PARP15: variants seen among roughly 807,000 people sequenced by gnomAD.
PARP15 encodes the protein poly(ADP-ribose) polymerase family member 15.
PARP15 carries 50 observed loss-of-function variants against 62.1 expected under a neutral mutation model. The ratio of observed to expected loss-of-function variants is 0.81; its 90% CI spans 0.64 to 1.02. The LOEUF is 1.02. Ranked by LOEUF, PARP15 falls within the 50% of genes least tolerant of loss-of-function variation. The pLI is 0.00. For synonymous variants in PARP15, 309 were observed against 293.1 expected (o/e 1.05, Z -0.55); for missense variants, 820 against 826.5 (o/e 0.99, Z 0.10).
chr3:122,631,399 T>G (rs973540868), intron 9 of PARP15, among the ~76,000 whole-genome samples: 1 of 152,182 alleles, frequency 6.6e-6, no homozygotes, highest in Non-Finnish European at 1.5e-5. Flanking sequence ...AATGAGCAAA[T>G]TGTGGCTTTG....
intron 1 of PARP15, among the ~76,000 whole-genome samples, chr3:122,595,998 C>T (rs1363872771): frequency 6.6e-6 from 1 of 152,072 alleles, no homozygotes; most frequent in African/African-American, 2.4e-5. Flanking sequence ...AGTCAAGACT[C>T]TCTCCTAAAC....
chr3:122,604,604 C>T (rs1935028557), intron 1 of PARP15, among the ~76,000 whole-genome samples: 1 of 152,068 alleles, frequency 6.6e-6, no homozygotes, highest in Admixed American at 6.6e-5. Flanking sequence ...CCTGTAATCC[C>T]AGCACTTTGG....
intron 4 of PARP15, among the ~76,000 whole-genome samples, chr3:122,614,891 G>A (rs139026005): frequency 6.6e-6 from 1 of 151,892 alleles, no homozygotes; most frequent in Non-Finnish European, 1.5e-5. Flanking sequence ...TTAGCCGGGC[G>A]TGGTGGTGTA....
intron 1 of PARP15, among the ~76,000 whole-genome samples, chr3:122,591,358 C>T (rs1277584675): frequency 6.6e-6 from 1 of 152,210 alleles, no homozygotes; most frequent in Admixed American, 6.5e-5. Context: ...TCCAAGACGT[C>T]ATGACTGAGA....
chr3:122,633,175 C>T (rs977879951), intron 10 of PARP15, among the ~76,000 whole-genome samples: 13 of 152,180 alleles, frequency 8.5e-5, no homozygotes, highest in South Asian at 2.1e-4. Context: ...ATACCTGGCT[C>T]CCCGACTAGA....
At chr3:122,581,730 G>T (rs1932960634) in intron 1 of PARP15, among the ~76,000 whole-genome samples, 1 of 152,130 alleles carries the variant, frequency 6.6e-6, no homozygotes, top group Non-Finnish European at 1.5e-5. Context: ...TTGCTATGCG[G>T]TTTTTTGCTT....
chr3:122,581,553 G>T (rs2080801917), intron 1 of PARP15, among the ~76,000 whole-genome samples: 1 of 152,140 alleles, frequency 6.6e-6, no homozygotes, highest in Non-Finnish European at 1.5e-5. Flanking sequence ...CTTCTTCAGA[G>T]AAATGTCTAT....
chr3:122,636,103 AT>A lies in PARP15; in HGVS notation c.*4del. 1 of 1,605,804 alleles carries A rather than the reference AT, an allele frequency of 6.2e-7. No individual in the cohort carries two copies. Among genetic ancestry groups the A allele is most frequent in the Non-Finnish European group, 8.5e-7 (1 of 1,174,018 alleles). On this transcript the variant is annotated 3_prime_UTR_variant, in exon 12 of 12. Coordinates refer to ENST00000464300, the MANE Select transcript of PARP15 (RefSeq NM_001113523.3). ...ATCTCATAACTTTCACGGCTTAAAA[AT>A]ATTTTTATCATCAAAGAGATGATTT... is the stretch of plus-strand genomic sequence containing the variant.
At chr3:122,589,032 G>A (rs1933665936) in intron 1 of PARP15, among the ~76,000 whole-genome samples, 1 of 152,152 alleles carries the variant, frequency 6.6e-6, no homozygotes, top group Admixed American at 6.5e-5. Context: ...ATGCTGCCGT[G>A]AACATTTGTT....
At chr3:122,588,941 T>G (rs1391735014) in intron 1 of PARP15, among the ~76,000 whole-genome samples, 1 of 152,232 alleles carries the variant, frequency 6.6e-6, no homozygotes, top group Non-Finnish European at 1.5e-5. Flanking sequence ...TAATATTCCA[T>G]TGTATGAATA....
In PARP15 at chr3:122,626,959, T is replaced by C. The variant is rs1936772829; in HGVS notation, c.1364T>C (p.Ile455Thr). 1 of 1,614,070 alleles carries C rather than the reference T, an allele frequency of 6.2e-7. No homozygotes were observed. Among genetic ancestry groups the C allele is most frequent in the Non-Finnish European group, 8.5e-7 (1 of 1,179,992 alleles). ...VVIFQPELLN[I>T]FYDSMKKRDL... The stretch of plus-strand genomic sequence containing the variant: ...ATTTTTCAACCTGAGCTGCTAAATA[T>C]ATTCTACGACAGCATGAAAAAAAGA... Residue 455 changes from isoleucine to threonine, a missense_variant, in exon 9 of 12, where the codon ATA (isoleucine) becomes ACA (threonine). This residue lies in a region of PARP15 where 731 missense variants were observed against 727.7 expected (regional missense o/e 1.00). Coordinates refer to ENST00000464300, the MANE Select transcript of PARP15 (RefSeq NM_001113523.3).
intron 2 of PARP15, among the ~76,000 whole-genome samples, chr3:122,607,888 T>C (rs547768891): frequency 6.6e-6 from 1 of 152,346 alleles, no homozygotes; most frequent in South Asian, 2.1e-4. Flanking sequence ...TACCCGTGTT[T>C]CGGTACACAC....
At chr3:122,618,420 G>A (rs1294070781) in intron 6 of PARP15, among the ~76,000 whole-genome samples, 1 of 152,216 alleles carries the variant, frequency 6.6e-6, no homozygotes, top group African/African-American at 2.4e-5. Context: ...ATGGGGAGCT[G>A]CTAGCCAAGG....
At chr3:122,596,291 G>A (rs946201279) in intron 1 of PARP15, among the ~76,000 whole-genome samples, 1 of 148,282 alleles carries the variant, frequency 6.7e-6, no homozygotes, top group Admixed American at 6.7e-5. Flanking sequence ...AGGAGTCGGA[G>A]GTTGCAGTGA....
Position 122,635,931 on chromosome 3 carries a change from G to C in PARP15, c.1868G>C (p.Gly623Ala). 6.2e-7 allele frequency: 1 copy of C among 1,614,060 alleles called. No individual in the cohort carries two copies. The highest frequency in any genetic ancestry group is 8.5e-7 in the Non-Finnish European group (1 of 1,180,012). ...ATGTACGTTGTGCGAGTACTTACTGGAGTCTTCACAAAGGGACGTGCAGGA... is the reference window on the plus strand; with the variant it reads ...ATGTACGTTGTGCGAGTACTTACTGCAGTCTTCACAAAGGGACGTGCAGGA... ...KHMYVVRVLT[G>A]VFTKGRAGLV... The change falls in exon 12 of 12, where the codon GGA becomes GCA. Residue 623 changes from glycine (G) to alanine (A), a missense_variant. Around this residue, in one of 3 missense-constraint regions of PARP15, gnomAD observed 84 missense variants for 79.7 expected, o/e 1.05. Transcript: ENST00000464300.
chr3:122,601,014 T>C (rs1934743105), intron 1 of PARP15, among the ~76,000 whole-genome samples: 1 of 150,714 alleles, frequency 6.6e-6, no homozygotes, highest in South Asian at 2.1e-4. Flanking sequence ...ATAGTTCCAT[T>C]GGTTTTTGTT....
chr3:122,591,666 C>A (rs2107821225), intron 1 of PARP15, among the ~76,000 whole-genome samples: 1 of 146,450 alleles, frequency 6.8e-6, no homozygotes, highest in East Asian at 2.0e-4. Context: ...GAGGCTGAGG[C>A]AGGAGAATTG....
rs1002705790 is a variant in PARP15 at position 122,610,697 on chromosome 3, A to G, written c.510A>G (p.Pro170=). The G allele has an allele frequency of 3.2e-6, 5 of 1,539,732 alleles. No individual in the cohort carries two copies. The highest frequency in any genetic ancestry group is 1.2e-5 in the South Asian group (1 of 82,212). Residue 170 remains proline, a synonymous_variant, in exon 3 of 12, where the codon CCA becomes CCG. Coordinates refer to ENST00000464300, the MANE Select transcript of PARP15 (RefSeq NM_001113523.3). ...AAGCTGTGCTCCATGCTGTGGCTCC[A>G]TACTGGAATAATGGAGCAGAGACTT... ...DCKAVLHAVA[P]YWNNGAETSW...
intron 1 of PARP15, among the ~76,000 whole-genome samples, chr3:122,599,188 A>G (rs13089261): frequency 0.084 from 12,716 of 152,076 alleles, 532 homozygotes; most frequent in Non-Finnish European, 0.1. Context: ...GAGCCACCAC[A>G]CCCAGCCTGT....
Sources: allele counts gnomAD v4.1 joint callset (sites outside exome capture counted in the v4.1 genomes callset), GRCh38; gene constraint gnomAD v4.1.1; regional missense constraint gnomAD v4.1.1; transcripts MANE v1.5; gene names NCBI Gene and HGNC (gene_info 2026-07-23, HGNC 2026-07-21).